KSR2: variants seen among roughly 807,000 people sequenced by gnomAD.
KSR2 encodes the protein kinase suppressor of ras 2.
A neutral mutation model predicts 107.8 loss-of-function variants in KSR2; 25 were observed. The observed-to-expected ratio is 0.23, with a 90% confidence interval of 0.17 to 0.32. KSR2 has a LOEUF of 0.32. KSR2 is among the 10% of genes least tolerant of loss of function. The pLI, the probability that KSR2 is intolerant of heterozygous loss-of-function variation, is 1.00. For synonymous variants in KSR2, 480 were observed against 507.0 expected (o/e 0.95, Z 0.71); for missense variants, 887 against 1,268.9 (o/e 0.70, Z 4.57).
intron 4 of KSR2, among the ~76,000 whole-genome samples, chr12:117,688,178 G>A (rs935299999): frequency 5.3e-5 from 8 of 152,300 alleles, no homozygotes; most frequent in East Asian, 1.9e-4. Context: ...TCAGGAGTTC[G>A]ATACCAGCCT....
intron 3 of KSR2, among the ~76,000 whole-genome samples, chr12:117,787,861 C>G (rs1175325451): frequency 6.6e-6 from 1 of 152,214 alleles, no homozygotes; most frequent in African/African-American, 2.4e-5. Flanking sequence ...TAGAGATAAA[C>G]TACACCACAC....
intron 16 of KSR2, among the ~76,000 whole-genome samples, chr12:117,481,290 A>G (rs1477473395): frequency 6.6e-6 from 1 of 152,170 alleles, no homozygotes; most frequent in Non-Finnish European, 1.5e-5. Flanking sequence ...CAAATTTAGT[A>G]TGTTGAACCC....
chr12:117,672,684 G>A, intron 4 of KSR2, among the ~76,000 whole-genome samples: 1 of 151,812 alleles, frequency 6.6e-6, no homozygotes, highest in East Asian at 1.9e-4. Context: ...GAGTGCAGTG[G>A]TACGATCTCG....
intron 1 of KSR2, among the ~76,000 whole-genome samples, chr12:117,860,756 T>TC (rs944211992): frequency 1.3e-5 from 2 of 152,216 alleles, no homozygotes; most frequent in Non-Finnish European, 2.9e-5. Context: ...TTTTGCTCTT[T>TC]CACCCAGGCT....
At chr12:117,804,223 A>G (rs1890935439) in intron 3 of KSR2, among the ~76,000 whole-genome samples, 1 of 152,006 alleles carries the variant, frequency 6.6e-6, no homozygotes, top group African/African-American at 2.4e-5. Flanking sequence ...TTGTATTTTT[A>G]GTAGAGACAG....
intron 3 of KSR2, among the ~76,000 whole-genome samples, chr12:117,841,553 C>G (rs778805990): frequency 6.6e-6 from 1 of 152,176 alleles, no homozygotes; most frequent in East Asian, 1.9e-4. Context: ...TTACATGCAG[C>G]CTTTAAATAA....
intron 5 of KSR2, among the ~76,000 whole-genome samples, chr12:117,656,991 T>G (rs763293848): frequency 0.052 from 5,607 of 106,886 alleles, 224 homozygotes; most frequent in Admixed American, 0.1. Context: ...GATATATATA[T>G]ATATATATAT....
At chr12:117,783,376 C>T (rs17439679) in intron 3 of KSR2, among the ~76,000 whole-genome samples, 6,891 of 152,244 alleles carry the variant, frequency 0.045, 221 homozygotes, top group Non-Finnish European at 0.066. Context: ...CAACAGCAAT[C>T]GGGTGAGGGC....
chr12:117,558,666 G>A (rs73405365), intron 7 of KSR2, 93 bp from the exon 8 acceptor site: 101,922 of 878,168 alleles, frequency 0.12, 6,752 homozygotes, highest in Middle Eastern at 0.22. Context: ...TGGGTGGATG[G>A]GTGGATGAAT....
rs1418512374 is a variant in KSR2 at position 117,834,151 on chromosome 12, A to T, written c.472+21277T>A. On this transcript the variant is annotated intron_variant, in intron 3 of 19. Transcript: ENST00000339824. Reference sequence around the variant, plus strand: ...GTGAGACCCTGTCTCAAAAAAAATAAAAAAAAAAAACAGAACTGGCATCAC... The same window carrying T: ...GTGAGACCCTGTCTCAAAAAAAATATAAAAAAAAAACAGAACTGGCATCAC... Among the ~76,000 whole-genome samples, 11 of 149,622 alleles carry T rather than the reference A, an allele frequency of 7.4e-5. No homozygotes were observed. The Admixed American group carries it at 7.4e-4, about 10-fold the overall frequency.
intron 2 of KSR2, among the ~76,000 whole-genome samples, chr12:117,855,994 A>G (rs1893090124): frequency 6.6e-6 from 1 of 152,108 alleles, no homozygotes; most frequent in African/African-American, 2.4e-5. Flanking sequence ...CAGAGCAAGC[A>G]CAGGACAAGG....
chr12:117,953,466 C>A (rs1486611865), intron 1 of KSR2, among the ~76,000 whole-genome samples: 3 of 152,192 alleles, frequency 2.0e-5, no homozygotes, highest in Admixed American at 2.0e-4. Flanking sequence ...CAAATGCTGA[C>A]TATTCATACA....
At chr12:117,472,094 G>A (rs1019840977) in intron 17 of KSR2, among the ~76,000 whole-genome samples, 4 of 152,098 alleles carry the variant, frequency 2.6e-5, no homozygotes, top group Admixed American at 6.5e-5. Context: ...GTATAATAGG[G>A]TAGGTTTCCT....
At chr12:117,868,836 T>C (rs138344527) in intron 1 of KSR2, among the ~76,000 whole-genome samples, 2,714 of 152,034 alleles carry the variant, frequency 0.018, 83 homozygotes, top group African/African-American at 0.062. Context: ...CTGCAATCTC[T>C]GCCTCCAAGG....
At chr12:117,785,034 CA>C (rs1382735978) in intron 3 of KSR2, among the ~76,000 whole-genome samples, 2 of 152,186 alleles carry the variant, frequency 1.3e-5, no homozygotes, top group Non-Finnish European at 2.9e-5. Context: ...CAGAGTCTCA[CA>C]AAAATATTCA....
At chr12:117,649,723 T>C (rs1883804308) in intron 5 of KSR2, among the ~76,000 whole-genome samples, 1 of 152,066 alleles carries the variant, frequency 6.6e-6, no homozygotes, top group Non-Finnish European at 1.5e-5. Flanking sequence ...CTTGGTACCA[T>C]GATTAACTCT....
chr12:117,627,504 T>C (rs533503707), intron 5 of KSR2, among the ~76,000 whole-genome samples: 1 of 152,336 alleles, frequency 6.6e-6, no homozygotes, highest in East Asian at 1.9e-4. Context: ...AAAATTCTTT[T>C]CTTTAAGAAT....
intron 5 of KSR2, among the ~76,000 whole-genome samples, chr12:117,620,464 C>G (rs1209750976): frequency 6.6e-6 from 1 of 152,262 alleles, no homozygotes; most frequent in South Asian, 2.1e-4. Flanking sequence ...TGCTTAGGGA[C>G]CACACATTTG....
chr12:117,855,286 G>C, intron 3 of KSR2, 142 bp downstream of exon 3: 1 of 1,048,640 alleles, frequency 9.5e-7, no homozygotes, highest in Non-Finnish European at 1.4e-6. Flanking sequence ...GGTCCACGCT[G>C]CCTCTTCCTG....
Sources: allele counts gnomAD v4.1 joint callset (sites outside exome capture counted in the v4.1 genomes callset), GRCh38; gene constraint gnomAD v4.1.1; transcripts MANE v1.5; gene names NCBI Gene and HGNC (gene_info 2026-07-23, HGNC 2026-07-21).